GLCCI1: variants seen among roughly 807,000 people sequenced by gnomAD.
GLCCI1 encodes the protein glucocorticoid-induced transcript 1 protein.
Under a neutral mutation model 52.2 loss-of-function variants are expected in GLCCI1, and 24 were observed. The ratio of observed to expected loss-of-function variants is 0.46; its 90% CI spans 0.33 to 0.65. The LOEUF (loss-of-function observed/expected upper bound fraction) is 0.65. Among genes scored for constraint, GLCCI1 ranks in the 30% least tolerant of loss-of-function variants. The probability of loss-of-function intolerance (pLI) is 0.02; values close to 1 mark genes in which losing one functional copy is unlikely to be tolerated. For synonymous variants in GLCCI1, 310 were observed against 276.5 expected (o/e 1.12, Z -1.20); for missense variants, 704 against 701.5 (o/e 1.00, Z -0.04).
chr7:7,998,505 C>T (rs1056849969), intron 1 of GLCCI1, among the ~76,000 whole-genome samples: 6 of 152,172 alleles, frequency 3.9e-5, no homozygotes, highest in Non-Finnish European at 5.9e-5. Context: ...TGTGAGCCAC[C>T]GTGCAGGCTC....
chr7:8,038,385 G>T (rs1386735913), intron 3 of GLCCI1, among the ~76,000 whole-genome samples: 1 of 152,144 alleles, frequency 6.6e-6, no homozygotes, highest in East Asian at 1.9e-4. Flanking sequence ...CAAGGCTATT[G>T]TACCCAAAAC....
At chr7:8,072,213 T>G (rs1000654964) in intron 6 of GLCCI1, among the ~76,000 whole-genome samples, 11 of 152,338 alleles carry the variant, frequency 7.2e-5, no homozygotes, top group South Asian at 6.2e-4. Flanking sequence ...TTACTAGACT[T>G]CATAGAAATT....
intron 3 of GLCCI1, among the ~76,000 whole-genome samples, chr7:8,043,522 G>T (rs144843140): frequency 2.6e-5 from 4 of 152,106 alleles, no homozygotes; most frequent in African/African-American, 9.7e-5. Flanking sequence ...TGCAGAAAAG[G>T]CAAATCTATA....
At chr7:8,022,923 T>G (rs1243747161) in intron 3 of GLCCI1, among the ~76,000 whole-genome samples, 1 of 152,242 alleles carries the variant, frequency 6.6e-6, no homozygotes, top group Non-Finnish European at 1.5e-5. Flanking sequence ...TTAGTTATCT[T>G]TTGTTCTCTC....
chr7:7,982,120 T>C, intron 1 of GLCCI1: 1 of 406,842 alleles, frequency 2.5e-6, no homozygotes, highest in Non-Finnish European at 4.8e-6. Context: ...ATTATAGTAA[T>C]AGTCACAAAT....
rs547798426 is a variant in GLCCI1 at position 8,003,944 on chromosome 7, G to A, written c.494G>A (p.Ser165Asn). 4 of 1,613,522 alleles carry A rather than the reference G, an allele frequency of 2.5e-6. No homozygotes were observed. The highest frequency in any genetic ancestry group is 1.3e-5 in the African/African-American group (1 of 74,954). ...KAKSQQVRTSSTIRRTSSLDT... is the reference protein window; with the variant it reads ...KAKSQQVRTSNTIRRTSSLDT... ...AAATCTCAGCAAGTTCGGACCTCTA[G>A]TACAATAAGGCGAACCTCCTCTTTG... The change falls in exon 2 of 8, where the codon AGT becomes AAT. Residue 165 changes from serine (S) to asparagine (N), a missense_variant. Ser to Asn is a conservative substitution (Grantham distance 46, BLOSUM62 1). Around this residue, in one of 3 missense-constraint regions of GLCCI1, gnomAD observed 547 missense variants for 524.8 expected, o/e 1.04. Coordinates refer to ENST00000223145, the MANE Select transcript of GLCCI1 (RefSeq NM_138426.4).
At chr7:7,970,503 A>C (rs1451165573) in intron 1 of GLCCI1, 2 of 150,384 alleles carry the variant, frequency 1.3e-5, no homozygotes, top group Admixed American at 6.8e-5. Context: ...GGAGATTTTC[A>C]TGGTAAATTT....
chr7:8,014,862 C>T (rs1244197863), intron 2 of GLCCI1, among the ~76,000 whole-genome samples: 2 of 152,068 alleles, frequency 1.3e-5, no homozygotes, highest in Non-Finnish European at 2.9e-5. Context: ...TTCCCTTTCT[C>T]CAGGTGATGG....
intron 1 of GLCCI1, among the ~76,000 whole-genome samples, chr7:7,994,391 A>G (rs573603792): frequency 9.9e-5 from 15 of 152,230 alleles, no homozygotes; most frequent in Non-Finnish European, 2.2e-4. Context: ...ATTTAATTTT[A>G]CTTTGCCACT....
At chr7:8,079,406 T>C (rs1782946533) in intron 6 of GLCCI1, among the ~76,000 whole-genome samples, 1 of 149,612 alleles carries the variant, frequency 6.7e-6, no homozygotes, top group Non-Finnish European at 1.5e-5. Flanking sequence ...ATACAAAATA[T>C]TTTGTGCAAT....
chr7:8,065,289 C>T (rs1489242382), intron 5 of GLCCI1, among the ~76,000 whole-genome samples: 1 of 152,126 alleles, frequency 6.6e-6, no homozygotes, highest in Admixed American at 6.5e-5. Context: ...TTTATCAGAT[C>T]AAGGAGCTTT....
At chr7:8,063,137 C>CT (rs1185131811) in intron 5 of GLCCI1, among the ~76,000 whole-genome samples, 1 of 151,838 alleles carries the variant, frequency 6.6e-6, no homozygotes, top group Non-Finnish European at 1.5e-5. Context: ...GTTTTTTTGA[C>CT]TTTTTTGTTT....
intron 1 of GLCCI1, among the ~76,000 whole-genome samples, chr7:7,972,761 A>C (rs901129047): frequency 2.6e-5 from 4 of 152,158 alleles, no homozygotes. Flanking sequence ...TTTTAATATT[A>C]TTATAATATT....
chr7:8,047,813 A>G (rs1195130296), intron 3 of GLCCI1, among the ~76,000 whole-genome samples: 1 of 152,210 alleles, frequency 6.6e-6, no homozygotes, highest in East Asian at 1.9e-4. Context: ...CATGATAGAA[A>G]ATTAGAATCT....
At chr7:7,979,239 A>G (rs1780557044) in intron 1 of GLCCI1, among the ~76,000 whole-genome samples, 3 of 152,334 alleles carry the variant, frequency 2.0e-5, no homozygotes, top group East Asian at 1.9e-4. Context: ...TCAAAGGTCT[A>G]TTAATACTTT....
rs1431376193 is a variant in GLCCI1 at position 7,969,240 on chromosome 7, C to T, written c.-111C>T. On this transcript the variant is annotated 5_prime_UTR_variant, in exon 1 of 8. Transcript: ENST00000223145. This position sits in a 1 kb window ranked among gnomAD's most constrained non-coding sequence, Gnocchi z 4.9. ...CCTCCCCCACAGCGATACCCCCGCC[C>T]CTCCCCCTTACACACTCGCACGCAC... 21 of 1,031,022 alleles carry T rather than the reference C, an allele frequency of 2.0e-5. No homozygotes were observed. The Admixed American group carries it at 7.4e-4, about 36-fold the overall frequency. 63.9% of individuals were successfully genotyped at this position (1,031,022 alleles called of 1,614,324 possible). A position where few individuals can be genotyped will look rare whatever the true frequency, so the allele number is the denominator to read the frequency against.
At chr7:7,989,319 C>G (rs1466823919) in intron 1 of GLCCI1, among the ~76,000 whole-genome samples, 1 of 152,050 alleles carries the variant, frequency 6.6e-6, no homozygotes, top group African/African-American at 2.4e-5. Context: ...GTCACATTGG[C>G]AAGTATGGTT....
intron 6 of GLCCI1, among the ~76,000 whole-genome samples, chr7:8,082,404 A>C (rs1456569349): frequency 6.6e-6 from 1 of 152,188 alleles, no homozygotes; most frequent in Non-Finnish European, 1.5e-5. Context: ...ACTCCAGGTA[A>C]CATAGAACTA....
At chr7:8,018,614 T>C (rs1406583164) in intron 2 of GLCCI1, among the ~76,000 whole-genome samples, 1 of 152,170 alleles carries the variant, frequency 6.6e-6, no homozygotes, top group Non-Finnish European at 1.5e-5. Flanking sequence ...AATTTCATAG[T>C]CTGGACTTTG....
Sources: gnomAD v4.1 joint callset for allele counts (sites outside exome capture counted in the v4.1 genomes callset) on GRCh38, gnomAD v4.1.1 for gene constraint, gnomAD v4.1.1 regional missense constraint, Gnocchi (gnomAD v3.1) non-coding constraint, MANE v1.5 for transcripts, NCBI Gene and HGNC (gene_info 2026-07-23, HGNC 2026-07-21) for gene names.